The following SPATA9 variants were observed in gnomAD, a reference collection of about 807,000 sequenced individuals.
SPATA9 encodes spermatogenesis-associated protein 9.
In SPATA9, 27 loss-of-function variants were observed where a neutral mutation model predicts 25.5. The ratio of observed to expected loss-of-function variants is 1.06; its 90% CI spans 0.78 to 1.46. SPATA9 has a LOEUF of 1.46. Ranked by LOEUF, SPATA9 falls within the 40% of genes most tolerant of loss-of-function variation. SPATA9 has a pLI of 0.00. For missense variants in SPATA9, 282 were observed against 297.5 expected (o/e 0.95, Z 0.38); for synonymous variants, 102 against 105.7 (o/e 0.97, Z 0.21).
intron 1 of SPATA9, among the ~76,000 whole-genome samples, chr5:95,691,400 A>G (rs1753887882): frequency 6.6e-6 from 1 of 152,206 alleles, no homozygotes; most frequent in African/African-American, 2.4e-5. Context: ...ATAAACACAT[A>G]CACACATATA....
rs746025061 is a variant in SPATA9 at position 95,675,389 on chromosome 5, G to T, written c.378+23C>A. The T allele has an allele frequency of 5.8e-6, 9 of 1,560,772 alleles. No individual in the cohort carries two copies. In the African/African-American group the frequency reaches 1.2e-4, roughly 21 times the overall value. Reference sequence around the variant, plus strand: ...AAAAGTTTCTTAAAAAAGGGGAATTGTGCATATGCAGTATTCCCTTACCTG... The same window carrying T: ...AAAAGTTTCTTAAAAAAGGGGAATTTTGCATATGCAGTATTCCCTTACCTG... On this transcript the variant is annotated intron_variant, in intron 3 of 4. Coordinates refer to ENST00000274432, the MANE Select transcript of SPATA9 (RefSeq NM_031952.4).
chr5:95,684,786 G>GT (rs1178932896), upstream of SPATA9: 1 of 151,884 alleles, frequency 6.6e-6, no homozygotes, highest in African/African-American at 2.4e-5. Flanking sequence ...CACAATGTCT[G>GT]TTTTTTTCTT....
chr5:95,694,025 C>A (rs1048426775), intron 1 of SPATA9, among the ~76,000 whole-genome samples: 10 of 151,952 alleles, frequency 6.6e-5, no homozygotes, highest in Non-Finnish European at 1.3e-4. Flanking sequence ...CCTGGTATAG[C>A]GTCACACACC....
upstream of SPATA9, among the ~76,000 whole-genome samples, chr5:95,702,047 C>T (rs1046059511): frequency 6.6e-6 from 1 of 152,118 alleles, no homozygotes; most frequent in Non-Finnish European, 1.5e-5. Context: ...ACTAGTACTT[C>T]CATTTCATGA....
intron 3 of SPATA9, among the ~76,000 whole-genome samples, chr5:95,669,135 T>C (rs58799139): frequency 0.016 from 2,496 of 152,330 alleles, 69 homozygotes; most frequent in African/African-American, 0.057. Flanking sequence ...CTGACTTTAT[T>C]AACCCCAGTG....
upstream of SPATA9, among the ~76,000 whole-genome samples, chr5:95,686,807 G>A (rs898281951): frequency 1.3e-5 from 2 of 152,146 alleles, no homozygotes; most frequent in Admixed American, 6.5e-5. Flanking sequence ...ACAGCCTGGG[G>A]TATGTCCCTC....
At chr5:95,729,074 C>A in the SPATA9 span, among the ~76,000 whole-genome samples, 1 of 152,054 alleles carries the variant, frequency 6.6e-6, no homozygotes. Flanking sequence ...AATAATCCAC[C>A]CCTTGTTTAG....
the SPATA9 span, among the ~76,000 whole-genome samples, chr5:95,705,679 T>C: frequency 6.6e-6 from 1 of 152,228 alleles, no homozygotes; most frequent in Admixed American, 6.5e-5. Context: ...GATTATAAAC[T>C]AGATTAAATT....
At chr5:95,722,165 G>A in the SPATA9 span, among the ~76,000 whole-genome samples, 4 of 152,120 alleles carry the variant, frequency 2.6e-5, no homozygotes, top group African/African-American at 7.2e-5. Context: ...GTACCCAATG[G>A]ATGGCCATAG....
intron 1 of SPATA9, among the ~76,000 whole-genome samples, chr5:95,694,274 A>C (rs1008220089): frequency 3.3e-5 from 5 of 152,250 alleles, no homozygotes; most frequent in Non-Finnish European, 7.3e-5. Flanking sequence ...TTATCTACTT[A>C]GATGGTAACC....
intron 8 of SPATA9, chr5:95,653,244 C>T (rs1336177360): frequency 6.4e-7 from 1 of 1,551,022 alleles, no homozygotes; most frequent in Admixed American, 2.0e-5. Context: ...TCATTCATAC[C>T]CACCTTCTCT....
rs373717960 is a variant in SPATA9, at chr5:95,675,547, G to A, written c.243C>T (p.Ser81=). The change falls in exon 3 of 5, where the codon AGC becomes AGT. Residue 81 remains serine (S), a synonymous_variant. Transcript: ENST00000274432. The part of the protein sequence containing the change: ...NRATLIRGLN[S]ISRSSKSVAK... ...CCACTGATTTGGAGGATCTGGATAT[G>A]CTGTTTAATCCACGAATTAATGTTG... 2.2e-5 allele frequency: 36 copies of A among 1,614,026 alleles called. No individual in the cohort carries two copies. In the African/African-American group the frequency reaches 4.4e-4, roughly 20 times the overall value.
intron 1 of SPATA9, 86 bp from the exon 2 acceptor site, chr5:95,682,702 C>CCGAGTCAT: frequency 6.6e-7 from 1 of 1,510,762 alleles, no homozygotes; most frequent in Non-Finnish European, 9.0e-7. Flanking sequence ...TGATCAAATT[C>CCGAGTCAT]CTAGATGACT....
intron 1 of SPATA9, among the ~76,000 whole-genome samples, chr5:95,691,411 T>A (rs1219554490): frequency 1.3e-5 from 2 of 152,190 alleles, no homozygotes; most frequent in Non-Finnish European, 2.9e-5. Flanking sequence ...CACACATATA[T>A]GTTGGGAACT....
At chr5:95,710,789 G>A in the SPATA9 span, among the ~76,000 whole-genome samples, 2 of 152,162 alleles carry the variant, frequency 1.3e-5, no homozygotes, top group African/African-American at 2.4e-5. Flanking sequence ...TTTGTCCTTT[G>A]AATGCTTTAT....
intron 3 of SPATA9, among the ~76,000 whole-genome samples, 154 bp downstream of exon 3, chr5:95,675,258 C>G (rs1235812062): frequency 1.3e-5 from 2 of 152,126 alleles, no homozygotes; most frequent in Non-Finnish European, 2.9e-5. Flanking sequence ...CCACGTTGCA[C>G]TATATTTTAA....
chr5:95,719,131 A>G, the SPATA9 span, among the ~76,000 whole-genome samples: 7 of 152,328 alleles, frequency 4.6e-5, no homozygotes, highest in East Asian at 1.3e-3. Flanking sequence ...GTCGAGAGAA[A>G]GACAGAGGCT....
chr5:95,698,916 C>T (rs1390746278), upstream of SPATA9, among the ~76,000 whole-genome samples: 3 of 152,098 alleles, frequency 2.0e-5, no homozygotes, highest in Non-Finnish European at 4.4e-5. Context: ...TCATTTACTA[C>T]CTGAATGCAA....
the SPATA9 span, among the ~76,000 whole-genome samples, chr5:95,729,841 A>C: frequency 6.6e-6 from 1 of 152,244 alleles, no homozygotes; most frequent in Non-Finnish European, 1.5e-5. Context: ...TAGTTTATGA[A>C]GGAATTTTCT....
Sources: gnomAD v4.1 joint callset for allele counts (sites outside exome capture counted in the v4.1 genomes callset) on GRCh38, gnomAD v4.1.1 for gene constraint, MANE v1.5 for transcripts, NCBI Gene and HGNC (gene_info 2026-07-23, HGNC 2026-07-21) for gene names.